FLT3: variants seen among roughly 807,000 people sequenced by gnomAD.
The protein encoded by FLT3 is receptor-type tyrosine-protein kinase FLT3.
A neutral mutation model predicts 126.6 loss-of-function variants in FLT3; 46 were observed. The observed-to-expected ratio is 0.36, with a 90% CI of 0.29 to 0.46. The LOEUF is 0.46. FLT3 is among the 20% of genes least tolerant of loss of function. The pLI, the probability that FLT3 is intolerant of heterozygous loss-of-function variation, is 1.00. For missense variants in FLT3, 1,069 were observed against 1,190.3 expected (o/e 0.90, Z 1.50); for synonymous variants, 404 against 434.4 (o/e 0.93, Z 0.87).
At chr13:28,085,068 G>A (rs565179199) in intron 1 of FLT3, among the ~76,000 whole-genome samples, 30 of 152,146 alleles carry the variant, frequency 2.0e-4, no homozygotes, top group Admixed American at 9.8e-4. Flanking sequence ...TGTGCAAGCC[G>A]GGGCGGTGGC....
rs764827742 is a variant in FLT3, at chr13:28,048,462, A to G, written c.1037-19T>C. 4.0e-6 allele frequency: 6 copies of G among 1,489,264 alleles called. No individual in the cohort carries two copies. The highest frequency in any genetic ancestry group is 1.1e-5 in the South Asian group (1 of 87,130). 92.3% of individuals were successfully genotyped at this position (1,489,264 alleles called of 1,614,324 possible). A position where few individuals can be genotyped will look rare whatever the true frequency, so the allele number is the denominator to read the frequency against. ...CCCTTTTCTGTAAGAAAAAATAGGC[A>G]TTTATGAGTTAGTTAATAATATTCA... is the stretch of plus-strand genomic sequence containing the variant. On this transcript the variant is annotated intron_variant, in intron 8 of 23. Transcript: ENST00000241453.
chr13:28,043,697 G>C (rs892397381), intron 9 of FLT3, among the ~76,000 whole-genome samples: 1 of 152,182 alleles, frequency 6.6e-6, no homozygotes, highest in African/African-American at 2.4e-5. Flanking sequence ...AAAGTCAAAA[G>C]GAAAGACGGG....
At chr13:28,022,168 G>C (rs1872452456) in intron 19 of FLT3, among the ~76,000 whole-genome samples, 1 of 152,120 alleles carries the variant, frequency 6.6e-6, no homozygotes, top group Admixed American at 6.5e-5. Flanking sequence ...CTCCCAAGTA[G>C]CTGGAACTGC....
chr13:28,073,932 C>T (rs12583420), intron 1 of FLT3, among the ~76,000 whole-genome samples: 17 of 141,304 alleles, frequency 1.2e-4, no homozygotes, highest in African/African-American at 4.6e-4. Context: ...AGAGCCAGAT[C>T]CTGCCTCTAA....
At chr13:28,090,865 T>C (rs1878986285) in intron 1 of FLT3, among the ~76,000 whole-genome samples, 1 of 152,054 alleles carries the variant, frequency 6.6e-6, no homozygotes, top group Admixed American at 6.6e-5. Flanking sequence ...TCTAAAACCT[T>C]AATGGAAATT....
chr13:28,097,649 G>A (rs1025176823), intron 1 of FLT3, among the ~76,000 whole-genome samples: 2 of 152,202 alleles, frequency 1.3e-5, no homozygotes, highest in Non-Finnish European at 2.9e-5. Context: ...TAGAGTTTCA[G>A]AGTCAGAGGG....
At chr13:28,094,692 G>T (rs1879343156) in intron 1 of FLT3, among the ~76,000 whole-genome samples, 1 of 151,930 alleles carries the variant, frequency 6.6e-6, no homozygotes, top group Non-Finnish European at 1.5e-5. Context: ...GTAGAGACTG[G>T]GTCTCGCTGT....
intron 1 of FLT3, among the ~76,000 whole-genome samples, chr13:28,071,209 C>T (rs529498649): frequency 6.6e-6 from 1 of 151,268 alleles, no homozygotes; most frequent in East Asian, 1.9e-4. Context: ...GGGGTATCGC[C>T]ACGTTAGCCA....
chr13:28,029,465 C>G (rs898919968), intron 15 of FLT3, among the ~76,000 whole-genome samples: 1 of 152,186 alleles, frequency 6.6e-6, no homozygotes, highest in African/African-American at 2.4e-5. Context: ...CACCTTTCAA[C>G]AGGACTTTCC....
At chr13:28,011,677 T>TTCCC (rs1566055018) in intron 23 of FLT3, among the ~76,000 whole-genome samples, 4 of 145,990 alleles carry the variant, frequency 2.7e-5, no homozygotes, top group Non-Finnish European at 3.0e-5. Context: ...CCTTCCTTCC[T>TTCCC]TCCCTCCTCC....
At chr13:28,090,229 G>C (rs1236822096) in intron 1 of FLT3, among the ~76,000 whole-genome samples, 1 of 151,318 alleles carries the variant, frequency 6.6e-6, no homozygotes, top group Non-Finnish European at 1.5e-5. Context: ...GTAGAGACAG[G>C]GTTTCACCAT....
intron 15 of FLT3, among the ~76,000 whole-genome samples, chr13:28,032,901 A>G (rs1295929664): frequency 6.6e-6 from 1 of 152,234 alleles, no homozygotes; most frequent in East Asian, 1.9e-4. Context: ...TGTTGACCTT[A>G]GCAAGAGAGC....
intron 20 of FLT3, among the ~76,000 whole-genome samples, chr13:28,016,380 C>T (rs1192799709): frequency 2.0e-5 from 3 of 152,090 alleles, no homozygotes; most frequent in East Asian, 3.9e-4. Flanking sequence ...AAGTGGTTCT[C>T]CTGCCTCAGC....
At chr13:28,078,541 C>G (rs1878110014) in intron 1 of FLT3, among the ~76,000 whole-genome samples, 1 of 152,130 alleles carries the variant, frequency 6.6e-6, no homozygotes, top group Admixed American at 6.5e-5. Flanking sequence ...CCCATGAAAC[C>G]ACTTTTTTCT....
At chr13:28,077,280 T>C (rs1878018202) in intron 1 of FLT3, among the ~76,000 whole-genome samples, 1 of 151,910 alleles carries the variant, frequency 6.6e-6, no homozygotes, top group African/African-American at 2.4e-5. Context: ...GATAAAAATA[T>C]ACCCAAGACT....
intron 19 of FLT3, among the ~76,000 whole-genome samples, chr13:28,022,974 C>T (rs1872528426): frequency 6.6e-6 from 1 of 152,270 alleles, no homozygotes; most frequent in Non-Finnish European, 1.5e-5. Context: ...TTTCAGCCTC[C>T]TCTCATCCCC....
At chr13:28,026,057 G>A (rs896036744) in intron 17 of FLT3, among the ~76,000 whole-genome samples, 12 of 152,202 alleles carry the variant, frequency 7.9e-5, no homozygotes, top group Admixed American at 7.2e-4. Context: ...AAATAAGAAC[G>A]CGCCAAGGCT....
At position 28,035,592 on chromosome 13, in the gene FLT3, A is replaced by G. The variant is rs536499370; in HGVS notation, c.1500T>C (p.Thr500=). The change falls in exon 12 of 24, where the codon ACT becomes ACC. Residue 500 remains threonine (T), a synonymous_variant. Transcript: ENST00000241453. ...CTTTTATGGCTTCACTCATGTTTAG[A>G]GTACTGCTCGACACCCACTGTCCAA... The part of the protein sequence containing the change: ...KVFGQWVSSS[T]LNMSEAIKGF... The G allele has an allele frequency of 6.2e-7, 1 of 1,614,188 alleles. No homozygotes were observed. The highest frequency in any genetic ancestry group is 8.5e-7 in the Non-Finnish European group (1 of 1,180,032).
chr13:28,036,171 A>G, intron 10 of FLT3, 128 bp from the exon 11 acceptor site: 2 of 727,186 alleles, frequency 2.8e-6, no homozygotes, highest in East Asian at 5.0e-5. Context: ...CAGCCTGGGC[A>G]ACACAGCAAG....
Sources: allele counts gnomAD v4.1 joint callset (sites outside exome capture counted in the v4.1 genomes callset), GRCh38; gene constraint gnomAD v4.1.1; transcripts MANE v1.5; gene names NCBI Gene and HGNC (gene_info 2026-07-23, HGNC 2026-07-21).